Variants in GNG7 observed in about 807,000 individuals in gnomAD.
The protein encoded by GNG7 is G protein subunit gamma 7, also known as guanine nucleotide-binding protein G(I)/G(S)/G(O) subunit gamma-7.
Under a neutral mutation model 4.0 loss-of-function variants are expected in GNG7, and 1 was observed. The ratio of observed to expected loss-of-function variants is 0.25; its 90% CI spans 0.09 to 1.18. The LOEUF (loss-of-function observed/expected upper bound fraction) is 1.18. Among genes scored for constraint, GNG7 ranks in the 50% most tolerant of loss-of-function variants. GNG7 has a pLI of 0.50. For synonymous variants in GNG7, 34 were observed against 36.9 expected, an observed-to-expected ratio of 0.92 and a Z score of 0.29; for missense variants, 86 against 91.9, an observed-to-expected ratio of 0.94 and a Z score of 0.26.
intron 1 of GNG7, among the ~76,000 whole-genome samples, chr19:2,681,671 C>A (rs1265191694): frequency 6.6e-6 from 1 of 152,148 alleles, no homozygotes; most frequent in Non-Finnish European, 1.5e-5. Flanking sequence ...CTGTATGTAA[C>A]CACTTCAGGA....
At chr19:2,528,365 G>A (rs1978479332) in intron 3 of GNG7, among the ~76,000 whole-genome samples, 1 of 148,346 alleles carries the variant, frequency 6.7e-6, no homozygotes, top group African/African-American at 2.5e-5. Context: ...GAGGCCAGGA[G>A]ATACAGACCA....
chr19:2,634,779 G>A lies in GNG7; in HGVS notation c.-78+11445C>T, dbSNP rs1292281438. On this transcript the variant is annotated intron_variant, in intron 2 of 4. Transcript: ENST00000382159. The surrounding 1 kb of genome is among the most constrained non-coding windows in gnomAD (Gnocchi z 5.3). ...ATGCTGAAATCTGGTGACCGACCAG[G>A]GGGAAATAAACCCGCTCTGACTGGC... 1.3e-5 allele frequency among the ~76,000 whole-genome samples: 2 copies of A among 152,140 alleles called. No individual in the cohort carries two copies. The highest frequency in any genetic ancestry group is 1.5e-5 in the Non-Finnish European group (1 of 68,022).
chr19:2,690,729 G>A (rs1023195511), intron 1 of GNG7, among the ~76,000 whole-genome samples: 2 of 152,106 alleles, frequency 1.3e-5, no homozygotes, highest in African/African-American at 4.8e-5. Flanking sequence ...GAGTATCTGG[G>A]GTTACAGGCA....
chr19:2,689,263 AAT>A (rs1428989657), intron 1 of GNG7, among the ~76,000 whole-genome samples: 1 of 151,868 alleles, frequency 6.6e-6, no homozygotes, highest in South Asian at 2.1e-4. Context: ...GGGGAAAAAA[AAT>A]AATTATATAA....
At chr19:2,524,736 GTA>G (rs145716980) in intron 3 of GNG7, among the ~76,000 whole-genome samples, 3,288 of 152,280 alleles carry the variant, frequency 0.022, 109 homozygotes, top group Admixed American at 0.069. Flanking sequence ...GTGCACGTGT[GTA>G]TGTGCACGTG....
At chr19:2,531,304 A>AG (rs1978577741) in intron 3 of GNG7, among the ~76,000 whole-genome samples, 1 of 17,468 alleles carries the variant, frequency 5.7e-5, no homozygotes, top group African/African-American at 2.1e-4. Flanking sequence ...ATTCCGTCTC[A>AG]AAAAAAAAAA....
intron 1 of GNG7, among the ~76,000 whole-genome samples, chr19:2,662,159 C>G (rs945831880): frequency 1.3e-5 from 2 of 150,452 alleles, no homozygotes; most frequent in African/African-American, 4.9e-5. Flanking sequence ...ACTCAGGAGG[C>G]TGAGGCAGGA....
chr19:2,566,813 C>G (rs182127549), intron 2 of GNG7, among the ~76,000 whole-genome samples: 91 of 152,134 alleles, frequency 6.0e-4, no homozygotes, highest in African/African-American at 2.1e-3. Flanking sequence ...TTTACAAAAA[C>G]ACACTGTCGC....
chr19:2,554,610 G>A (rs995305246), intron 3 of GNG7, among the ~76,000 whole-genome samples: 64 of 148,870 alleles, frequency 4.3e-4, no homozygotes, highest in African/African-American at 1.5e-3. Flanking sequence ...GCTGGTGTAC[G>A]GTGGCATGAT....
intron 3 of GNG7, among the ~76,000 whole-genome samples, chr19:2,548,172 T>G (rs1220813316): frequency 6.8e-6 from 1 of 146,948 alleles, no homozygotes; most frequent in Non-Finnish European, 1.5e-5. Flanking sequence ...ATGTTAACAA[T>G]GGAAAACAAA....
intron 1 of GNG7, among the ~76,000 whole-genome samples, chr19:2,659,697 TGA>T (rs1365269990): frequency 3.9e-5 from 3 of 76,636 alleles, no homozygotes; most frequent in African/African-American, 1.6e-4. Flanking sequence ...GAAAACAGAG[TGA>T]GAGGGAGGGA....
Position 2,513,448 on chromosome 19 carries a change from T to C in GNG7, c.*1574A>G, listed in dbSNP as rs1286047348. ...GGCCGCAGGTGATGCCGGCAGGCCCTGGAAGATGTGGCTGCACCTGCTCCC... is the reference window on the plus strand; with the variant it reads ...GGCCGCAGGTGATGCCGGCAGGCCCCGGAAGATGTGGCTGCACCTGCTCCC... On this transcript the variant is annotated 3_prime_UTR_variant, in exon 5 of 5. Transcript: ENST00000382159. 1.7e-5 allele frequency: 16 copies of C among 936,266 alleles called. No homozygotes were observed. The African/African-American group carries it at 2.5e-4, about 15-fold the overall frequency. The allele number at this position is 936,266 out of a possible 1,614,324, so 58.0% of individuals were successfully genotyped here. A position where few individuals can be genotyped will look rare whatever the true frequency, so the allele number is the denominator to read the frequency against.
At chr19:2,622,990 G>T (rs962302794) in intron 2 of GNG7, among the ~76,000 whole-genome samples, 2 of 152,252 alleles carry the variant, frequency 1.3e-5, no homozygotes, top group African/African-American at 4.8e-5. Context: ...GGCCAAGTGA[G>T]GGTGGGTGAG....
At chr19:2,543,498 C>A (rs923593777) in intron 3 of GNG7, among the ~76,000 whole-genome samples, 1 of 152,174 alleles carries the variant, frequency 6.6e-6, no homozygotes, top group African/African-American at 2.4e-5. Flanking sequence ...GTGCTAGGAT[C>A]CCGGGCATGA....
rs189057161 is a variant in GNG7, at chr19:2,599,179, T to G, written c.-77-43991A>C. Among the ~76,000 whole-genome samples the G allele has an allele frequency of 3.5e-3, 538 of 152,246 alleles. 3 individuals are homozygous for G. The highest frequency in any genetic ancestry group is 0.013 in the African/African-American group (526 of 41,554). ...AGACACCACGTGGTGCTTTTTGAAC[T>G]GATCAGAGCCCCAGCCTGCCTGCTT... On this transcript the variant is annotated intron_variant, in intron 2 of 4. Coordinates refer to ENST00000382159, the MANE Select transcript of GNG7 (RefSeq NM_052847.3).
chr19:2,577,700 C>CCAA (rs1980383103), intron 2 of GNG7, among the ~76,000 whole-genome samples: 1 of 108,402 alleles, frequency 9.2e-6, no homozygotes, highest in Admixed American at 9.6e-5. Flanking sequence ...GATTCCATCT[C>CCAA]AAAAAAAAAA....
chr19:2,585,946 C>T (rs963216398), intron 2 of GNG7, among the ~76,000 whole-genome samples: 3 of 152,164 alleles, frequency 2.0e-5, no homozygotes, highest in Non-Finnish European at 4.4e-5. Context: ...GTGATCCACC[C>T]GCCTCGGCCT....
rs1475131217 is a variant in GNG7 at position 2,633,473 on chromosome 19, G to A, written c.-78+12751C>T. Among the ~76,000 whole-genome samples, 1 of 40,362 alleles carries A rather than the reference G, an allele frequency of 2.5e-5. No homozygotes were observed. The highest frequency in any genetic ancestry group is 4.9e-5 in the Non-Finnish European group (1 of 20,376). 26.5% of individuals were successfully genotyped at this position (40,362 alleles called of 152,430 possible). A position where few individuals can be genotyped will look rare whatever the true frequency, so the allele number is the denominator to read the frequency against. ...TTCAAGCGGTTGCTTAGCAACAGGC[G>A]CGCGCGCGCGCGCGCACACACACAC... On this transcript the variant is annotated intron_variant, in intron 2 of 4. Transcript: ENST00000382159. The surrounding 1 kb of genome is among the most constrained non-coding windows in gnomAD (Gnocchi z 5.9).
rs555090698 is a variant in GNG7 at position 2,618,918 on chromosome 19, C to T, written c.-78+27306G>A. Among the ~76,000 whole-genome samples, 1 of 152,268 alleles carries T rather than the reference C, an allele frequency of 6.6e-6. No homozygotes were observed. The highest frequency in any genetic ancestry group is 1.5e-5 in the Non-Finnish European group (1 of 68,026). ...AGGAGCCCATGTGGCATCTGACCGT[C>T]CCATCTCCGTGGGTTCCTCTGGGCT... On this transcript the variant is annotated intron_variant, in intron 2 of 4. Coordinates refer to ENST00000382159, the MANE Select transcript of GNG7 (RefSeq NM_052847.3). This position sits in a 1 kb window ranked among gnomAD's most constrained non-coding sequence, Gnocchi z 5.1.
Sources: allele counts gnomAD v4.1 joint callset (sites outside exome capture counted in the v4.1 genomes callset), GRCh38; gene constraint gnomAD v4.1.1; non-coding constraint Gnocchi (gnomAD v3.1); transcripts MANE v1.5; gene names NCBI Gene and HGNC (gene_info 2026-07-23, HGNC 2026-07-21).